Variants in NCAM2 observed in about 807,000 individuals in gnomAD.
The protein encoded by NCAM2 is N-CAM-2.
In NCAM2, 30 loss-of-function variants were observed where a neutral mutation model predicts 98.1. The observed-to-expected ratio is 0.31, with a 90% CI of 0.23 to 0.41. NCAM2 has a LOEUF of 0.41. NCAM2 is among the 10% of genes least tolerant of loss of function. NCAM2 has a pLI of 1.00. For missense variants in NCAM2, 867 were observed against 1,005.8 expected (o/e 0.86, Z 1.87); for synonymous variants, 368 against 342.4 (o/e 1.07, Z -0.83).
intron 1 of NCAM2, among the ~76,000 whole-genome samples, chr21:21,191,489 C>A (rs1021923537): frequency 6.6e-6 from 1 of 152,024 alleles, no homozygotes; most frequent in Non-Finnish European, 1.5e-5. Flanking sequence ...TACTTTAAAT[C>A]AGTTATTCTA....
chr21:21,374,150 T>G, intron 9 of NCAM2, 137 bp downstream of exon 9: 1 of 729,330 alleles, frequency 1.4e-6, no homozygotes, highest in Non-Finnish European at 2.1e-6. Flanking sequence ...AATATAGGAA[T>G]CATTCAGTCA....
At chr21:21,213,433 A>G (rs1460991124) in intron 1 of NCAM2, among the ~76,000 whole-genome samples, 2 of 152,244 alleles carry the variant, frequency 1.3e-5, no homozygotes, top group Non-Finnish European at 1.5e-5. Context: ...TATTTAATAT[A>G]TGATGTATAG....
intron 6 of NCAM2, among the ~76,000 whole-genome samples, chr21:21,325,335 C>A (rs1197585581): frequency 6.6e-6 from 1 of 152,094 alleles, no homozygotes; most frequent in African/African-American, 2.4e-5. Context: ...TTTAAAAGTT[C>A]TTTGAAGGAC....
At chr21:21,415,282 A>C (rs1395681969) in intron 10 of NCAM2, among the ~76,000 whole-genome samples, 1 of 150,026 alleles carries the variant, frequency 6.7e-6, no homozygotes, top group Non-Finnish European at 1.5e-5. Context: ...ATCTACTTTA[A>C]ATTCTATTTT....
chr21:21,331,815 G>C (rs1170958212), intron 6 of NCAM2, among the ~76,000 whole-genome samples: 1 of 150,418 alleles, frequency 6.6e-6, no homozygotes, highest in Non-Finnish European at 1.5e-5. Flanking sequence ...TTGAACTCCT[G>C]ACCTCTGGTG....
At chr21:21,089,793 T>C (rs1314177576) in intron 1 of NCAM2, among the ~76,000 whole-genome samples, 1 of 152,190 alleles carries the variant, frequency 6.6e-6, no homozygotes, top group Non-Finnish European at 1.5e-5. Context: ...GTATGAATGG[T>C]AAAAAACATG....
chr21:21,395,490 C>T (rs1443480363), intron 9 of NCAM2, among the ~76,000 whole-genome samples: 1 of 152,036 alleles, frequency 6.6e-6, no homozygotes, highest in Non-Finnish European at 1.5e-5. Flanking sequence ...AAAATAACAC[C>T]ATAATTCTTC....
intron 8 of NCAM2, among the ~76,000 whole-genome samples, chr21:21,343,608 G>A (rs2075108091): frequency 6.6e-6 from 1 of 152,144 alleles, no homozygotes; most frequent in Admixed American, 6.6e-5. Flanking sequence ...AGTGAACTCA[G>A]TCCTGACCTG....
intron 11 of NCAM2, among the ~76,000 whole-genome samples, chr21:21,426,902 T>A (rs768986627): frequency 1.3e-5 from 2 of 152,248 alleles, no homozygotes; most frequent in African/African-American, 2.4e-5. Context: ...TCTTAAATCG[T>A]ATAATTTGAC....
intron 1 of NCAM2, among the ~76,000 whole-genome samples, chr21:21,163,716 G>A (rs929331531): frequency 1.3e-5 from 2 of 152,076 alleles, no homozygotes; most frequent in African/African-American, 4.8e-5. Flanking sequence ...GAATTTACAT[G>A]TGTTATCTAT....
At chr21:21,534,827 T>A (rs1989896674) in intron 17 of NCAM2, among the ~76,000 whole-genome samples, 171 bp downstream of exon 17, 1 of 152,168 alleles carries the variant, frequency 6.6e-6, no homozygotes, top group Non-Finnish European at 1.5e-5. Flanking sequence ...TAAGGAGACA[T>A]TTTTCATGAA....
At chr21:21,133,965 T>A (rs1213583053) in intron 1 of NCAM2, among the ~76,000 whole-genome samples, 1 of 152,028 alleles carries the variant, frequency 6.6e-6, no homozygotes, top group African/African-American at 2.4e-5. Flanking sequence ...AATGGTGCAG[T>A]ATATTCCTTG....
intron 1 of NCAM2, among the ~76,000 whole-genome samples, chr21:21,196,872 C>G (rs1226371835): frequency 1.3e-5 from 2 of 152,200 alleles, no homozygotes; most frequent in Non-Finnish European, 2.9e-5. Context: ...AATGATTTAA[C>G]ATCGTCCCCT....
At chr21:21,264,245 T>C (rs1378574212) in intron 1 of NCAM2, among the ~76,000 whole-genome samples, 2 of 151,996 alleles carry the variant, frequency 1.3e-5, no homozygotes, top group Non-Finnish European at 2.9e-5. Context: ...TATGAATAAA[T>C]GCTAAACATC....
intron 15 of NCAM2, among the ~76,000 whole-genome samples, chr21:21,479,604 A>AAAAAAAAAAAAAAAAC (rs1985625542): frequency 7.6e-6 from 1 of 131,952 alleles, no homozygotes; most frequent in Non-Finnish European, 1.7e-5. Context: ...AAAAAAAAAA[A>AAAAAAAAAAAAAAAAC]AAAATTGTTG....
chr21:21,146,958 TGCCTTCTACTCCGGAACTCAG>T (rs1379909018), intron 1 of NCAM2, among the ~76,000 whole-genome samples: 1 of 133,034 alleles, frequency 7.5e-6, no homozygotes. Flanking sequence ...CTCAGACCGC[TGCCTTCTACTCCGGAACTCAG>T]ACCGCTGCCT....
chr21:21,122,682 G>C (rs375237192), intron 1 of NCAM2, among the ~76,000 whole-genome samples: 1 of 152,136 alleles, frequency 6.6e-6, no homozygotes, highest in Non-Finnish European at 1.5e-5. Context: ...TATGGCTTAC[G>C]TCTTTCACCA....
chr21:21,414,555 C>T (rs552774087), intron 10 of NCAM2, among the ~76,000 whole-genome samples: 1 of 151,790 alleles, frequency 6.6e-6, no homozygotes, highest in South Asian at 2.1e-4. Context: ...ACTGCACCTC[C>T]GCTTCCCGGG....
chr21:21,187,224 A>AAAAC (rs894147919), intron 1 of NCAM2, among the ~76,000 whole-genome samples: 47 of 152,254 alleles, frequency 3.1e-4, no homozygotes, highest in East Asian at 9.6e-4. Flanking sequence ...ACTCCGTCTA[A>AAAAC]AAACAAACAA....
Sources: gnomAD v4.1 joint callset for allele counts (sites outside exome capture counted in the v4.1 genomes callset) on GRCh38, gnomAD v4.1.1 for gene constraint, MANE v1.5 for transcripts, NCBI Gene and HGNC (gene_info 2026-07-23, HGNC 2026-07-21) for gene names.